USP7: variants seen among roughly 807,000 people sequenced by gnomAD.
The protein encoded by USP7 is ubiquitin C-terminal hydrolase 7.
In USP7, 9 loss-of-function variants were observed where a neutral mutation model predicts 162.9. The observed-to-expected ratio is 0.06, with a 90% CI of 0.03 to 0.10. The LOEUF (loss-of-function observed/expected upper bound fraction) is 0.10, where lower values mean the gene tolerates loss of function less well. USP7 is among the 10% of genes least tolerant of loss of function. USP7 has a pLI of 1.00. For synonymous variants in USP7, 562 were observed against 475.9 expected, an observed-to-expected ratio of 1.18 and a Z score of -2.35; for missense variants, 715 against 1,373.7, an observed-to-expected ratio of 0.52 and a Z score of 7.58.
intron 1 of USP7, chr16:8,936,576 G>C: frequency 3.3e-6 from 5 of 1,538,168 alleles, no homozygotes; most frequent in Non-Finnish European, 3.5e-6. Context: ...CTGAAAACCT[G>C]ACTCACCTTC....
intron 15 of USP7, among the ~76,000 whole-genome samples, chr16:8,903,621 C>T (rs576639937): frequency 6.6e-6 from 1 of 152,242 alleles, no homozygotes; most frequent in East Asian, 1.9e-4. Flanking sequence ...GGCTCATGCA[C>T]TTTGGGAGGC....
chr16:8,909,811 A>G (rs2141188516), intron 11 of USP7, among the ~76,000 whole-genome samples: 1 of 152,232 alleles, frequency 6.6e-6, no homozygotes, highest in African/African-American at 2.4e-5. Context: ...CTGTAGTCCC[A>G]GCTACTTGGG....
chr16:8,916,023 T>G (rs1897349039), intron 8 of USP7, among the ~76,000 whole-genome samples: 1 of 152,232 alleles, frequency 6.6e-6, no homozygotes, highest in African/African-American at 2.4e-5. Flanking sequence ...CTTCTGCGTC[T>G]TTTATCACAA....
At chr16:8,958,930 C>T (rs920291479) in intron 1 of USP7, among the ~76,000 whole-genome samples, 1 of 152,230 alleles carries the variant, frequency 6.6e-6, no homozygotes, top group African/African-American at 2.4e-5. Context: ...TAATCCACAT[C>T]GGATATGGTT....
chr16:8,927,299 C>G (rs544897997), intron 2 of USP7, among the ~76,000 whole-genome samples: 1 of 148,184 alleles, frequency 6.7e-6, no homozygotes, highest in African/African-American at 2.5e-5. Flanking sequence ...TCCAGCCTGG[C>G]CAAAAAGAAA....
At chr16:8,941,184 C>T (rs1227486842) in intron 1 of USP7, among the ~76,000 whole-genome samples, 3 of 152,184 alleles carry the variant, frequency 2.0e-5, no homozygotes, top group Admixed American at 6.5e-5. Context: ...CCAGCCCTCA[C>T]GCCCTCTGTG....
intron 11 of USP7, among the ~76,000 whole-genome samples, chr16:8,909,218 G>A (rs1019287113): frequency 1.1e-4 from 16 of 152,252 alleles, no homozygotes; most frequent in African/African-American, 3.1e-4. Flanking sequence ...TCTCGACCAC[G>A]GCCAGGCGGT....
At chr16:8,960,136 GAATA>G (rs2141269874) in intron 1 of USP7, among the ~76,000 whole-genome samples, 1 of 152,284 alleles carries the variant, frequency 6.6e-6, no homozygotes, top group South Asian at 2.1e-4. Context: ...CAAAGTTAGC[GAATA>G]AATAATACAC....
rs745660033 is a variant in USP7, at chr16:8,905,227, A to C, written c.1533T>G (p.Thr511=). The C allele has an allele frequency of 3.1e-6, 5 of 1,614,262 alleles. No homozygotes were observed. In the East Asian group the frequency reaches 8.9e-5, roughly 29 times the overall value. ...TGATGTAGACTAACATGTAAGCATT[A>C]GTGCAGTGTCGAACAGACAGGTCGT... ...HDDDLSVRHC[T]NAYMLVYIRE... The change falls in exon 14 of 31, where the codon ACT becomes ACG. Residue 511 remains threonine, a synonymous_variant. Coordinates refer to ENST00000344836, the MANE Select transcript of USP7 (RefSeq NM_003470.3).
chr16:8,894,460 CTT>C lies in USP7; in HGVS notation c.3202+88_3202+89del, dbSNP rs2061650815. On this transcript the variant is annotated intron_variant, in intron 30 of 30. Transcript: ENST00000344836. ...GCCAGTGGAGAGAGAGGAGCTGGCA[CTT>C]GACCCTGGGGCTGCCCCTCCCAGCC... The C allele has an allele frequency of 2.2e-6, 3 of 1,352,888 alleles. No individual in the cohort carries two copies. The South Asian group carries it at 3.8e-5, about 17-fold the overall frequency. 83.8% of individuals were successfully genotyped at this position (1,352,888 alleles called of 1,614,324 possible).
At chr16:8,919,798 C>T (rs1182246653) in intron 5 of USP7, among the ~76,000 whole-genome samples, 5 of 151,918 alleles carry the variant, frequency 3.3e-5, no homozygotes, top group African/African-American at 7.3e-5. Context: ...AACACACGAC[C>T]GTCACCAAGC....
intron 1 of USP7, among the ~76,000 whole-genome samples, chr16:8,956,020 A>G (rs1899784503): frequency 6.6e-6 from 1 of 152,172 alleles, no homozygotes; most frequent in African/African-American, 2.4e-5. Context: ...GTTCCGCAAT[A>G]CAAGTCACAC....
At chr16:8,909,653 G>A (rs936256729) in intron 11 of USP7, among the ~76,000 whole-genome samples, 5 of 152,270 alleles carry the variant, frequency 3.3e-5, no homozygotes, top group Middle Eastern at 3.4e-3. Flanking sequence ...TTCTGGATGA[G>A]CAAGTGGCTC....
At chr16:8,913,230 C>CCTCT (rs1322592806) in intron 10 of USP7, among the ~76,000 whole-genome samples, 1 of 152,186 alleles carries the variant, frequency 6.6e-6, no homozygotes, top group East Asian at 1.9e-4. Flanking sequence ...GTGGCGCATG[C>CCTCT]CTCTAATCCC....
intron 1 of USP7, among the ~76,000 whole-genome samples, chr16:8,938,736 G>C (rs1469446760): frequency 6.6e-6 from 1 of 151,916 alleles, no homozygotes; most frequent in African/African-American, 2.4e-5. Flanking sequence ...GGGGGGACGG[G>C]GGAGTCTGTA....
At chr16:8,943,065 A>G (rs1197106751) in intron 1 of USP7, among the ~76,000 whole-genome samples, 1 of 152,174 alleles carries the variant, frequency 6.6e-6, no homozygotes, top group Non-Finnish European at 1.5e-5. Context: ...GCTTTGCTCT[A>G]TATGCTGAAA....
At chr16:8,932,970 T>C (rs978949837) in intron 1 of USP7, among the ~76,000 whole-genome samples, 2 of 152,170 alleles carry the variant, frequency 1.3e-5, no homozygotes, top group Non-Finnish European at 2.9e-5. Context: ...TTTATGGAGT[T>C]TCGCTCGTTG....
intron 15 of USP7, 70 bp downstream of exon 15, chr16:8,904,365 C>G (rs971501179): frequency 1.9e-6 from 3 of 1,585,654 alleles, no homozygotes; most frequent in South Asian, 1.1e-5. Context: ...GGGGGCTGAC[C>G]TGCACTTGTG....
At chr16:8,949,886 T>C (rs182280280) in intron 1 of USP7, among the ~76,000 whole-genome samples, 215 of 152,344 alleles carry the variant, frequency 1.4e-3, no homozygotes, top group African/African-American at 4.7e-3. Flanking sequence ...ATGAAAATGC[T>C]TGGCTTTCCA....
Sources: gnomAD v4.1 joint callset for allele counts (sites outside exome capture counted in the v4.1 genomes callset) on GRCh38, gnomAD v4.1.1 for gene constraint, MANE v1.5 for transcripts, NCBI Gene and HGNC (gene_info 2026-07-23, HGNC 2026-07-21) for gene names.